Variants in ZNF19 observed in about 807,000 individuals in gnomAD.
The protein encoded by ZNF19 is zinc finger protein 19.
In ZNF19, 11 loss-of-function variants were observed where a neutral mutation model predicts 13.1. The ratio of observed to expected loss-of-function variants is 0.84; its 90% CI spans 0.53 to 1.39. The LOEUF is 1.39. Among genes scored for constraint, ZNF19 ranks in the 40% most tolerant of loss-of-function variants. The pLI, the probability that ZNF19 is intolerant of heterozygous loss-of-function variation, is 0.00. For synonymous variants in ZNF19, 186 were observed against 187.0 expected, an observed-to-expected ratio of 0.99 and a Z score of 0.04; for missense variants, 560 against 547.0, an observed-to-expected ratio of 1.02 and a Z score of -0.24.
intron 2 of ZNF19, among the ~76,000 whole-genome samples, chr16:71,484,104 G>A (rs1256804870): frequency 3.9e-5 from 6 of 152,254 alleles, no homozygotes; most frequent in Non-Finnish European, 8.8e-5. Flanking sequence ...CTTTGTGCAC[G>A]TCAAGAACTT....
intron 1 of ZNF19, among the ~76,000 whole-genome samples, chr16:71,486,532 G>C (rs201633792): frequency 1.3e-5 from 2 of 152,148 alleles, no homozygotes; most frequent in Non-Finnish European, 2.9e-5. Flanking sequence ...GTCAAGGAAA[G>C]TGGGTGGCCT....
At position 71,478,904 on chromosome 16, in the gene ZNF19, C is replaced by T; in HGVS notation, c.135G>A (p.Glu45=). The T allele has an allele frequency of 6.2e-7, 1 of 1,614,140 alleles. No homozygotes were observed. The highest frequency in any genetic ancestry group is 8.5e-7 in the Non-Finnish European group (1 of 1,179,982). The change falls in exon 4 of 6, where the codon GAG becomes GAA. Residue 45 remains glutamate, a synonymous_variant. Transcript: ENST00000288177. ...QRALYRSVML[E]NFGNLTALGY... ...CCAAAGCAGTCAGGTTCCCAAAATT[C>T]TCCAACATCACACTTCTGTACAGGG...
At chr16:71,478,062 G>C (rs2043613427) in intron 5 of ZNF19, 166 bp downstream of exon 5, 1 of 596,568 alleles carries the variant, frequency 1.7e-6, no homozygotes, top group Admixed American at 3.0e-5. Flanking sequence ...GAGACGTACT[G>C]AGTGATTACA....
intron 1 of ZNF19, among the ~76,000 whole-genome samples, chr16:71,485,825 C>T (rs141095498): frequency 2.0e-5 from 3 of 152,166 alleles, no homozygotes; most frequent in African/African-American, 4.8e-5. Flanking sequence ...CAGAGACTTG[C>T]GCAAACATCA....
intron 1 of ZNF19, among the ~76,000 whole-genome samples, chr16:71,488,146 G>A (rs2043692492): frequency 6.6e-6 from 1 of 151,942 alleles, no homozygotes; most frequent in African/African-American, 2.4e-5. Context: ...GATTGCTTGA[G>A]GCCAGGAGTT....
Position 71,475,135 on chromosome 16 carries a change from G to A in ZNF19, c.*35C>T, listed in dbSNP as rs370209904. 3.3e-5 allele frequency: 51 copies of A among 1,522,820 alleles called. No homozygotes were observed. The highest frequency in any genetic ancestry group is 3.3e-4 in the African/African-American group (24 of 72,468). The allele number at this position is 1,522,820 out of a possible 1,614,324, so 94.3% of individuals were successfully genotyped here. A position where few individuals can be genotyped will look rare whatever the true frequency, so the allele number is the denominator to read the frequency against. Reference sequence around the variant, plus strand: ...CACATTCCATTCCTGAGTAGAAGACGGAATCCACTCAGTACATTTCACTGG... The same window carrying A: ...CACATTCCATTCCTGAGTAGAAGACAGAATCCACTCAGTACATTTCACTGG... On this transcript the variant is annotated 3_prime_UTR_variant, in exon 6 of 6. Coordinates refer to ENST00000288177, the MANE Select transcript of ZNF19 (RefSeq NM_006961.4).
rs942197288 is a variant in ZNF19, at chr16:71,474,108, G to A, written c.*1062C>T. On this transcript the variant is annotated 3_prime_UTR_variant, in exon 6 of 6. Coordinates refer to ENST00000288177, the MANE Select transcript of ZNF19 (RefSeq NM_006961.4). ...ACACTGGCTGGCAGCGGAAGGACAC[G>A]TGGGAGAAAAAAAGGGTGCAGTTTG... 2.0e-5 allele frequency: 3 copies of A among 152,284 alleles called. No individual in the cohort carries two copies. Among genetic ancestry groups the A allele is most frequent in the Non-Finnish European group, 2.9e-5 (2 of 68,028 alleles). 9.4% of individuals were successfully genotyped at this position (152,284 alleles called of 1,614,324 possible). A position where few individuals can be genotyped will look rare whatever the true frequency, so the allele number is the denominator to read the frequency against.
At chr16:71,478,654 C>A (rs1458453750) in intron 4 of ZNF19, 2 of 654,238 alleles carry the variant, frequency 3.1e-6, no homozygotes, top group Admixed American at 2.7e-5. Flanking sequence ...CATACTCTTA[C>A]CAGGGGACAG....
chr16:71,478,695 C>T, intron 4 of ZNF19, 184 bp downstream of exon 4: 1 of 820,350 alleles, frequency 1.2e-6, no homozygotes, highest in Non-Finnish European at 1.9e-6. Flanking sequence ...CCAAAGTGAC[C>T]CAAGACCTCT....
In ZNF19 at chr16:71,474,844, G is replaced by C. The variant is rs766374490; in HGVS notation, c.*326C>G. 2.7e-5 allele frequency: 7 copies of C among 262,452 alleles called. No homozygotes were observed. Among genetic ancestry groups the C allele is most frequent in the Non-Finnish European group, 3.6e-5 (5 of 138,828 alleles). 16.3% of individuals were successfully genotyped at this position (262,452 alleles called of 1,614,324 possible). A position where few individuals can be genotyped will look rare whatever the true frequency, so the allele number is the denominator to read the frequency against. ...TTTAGCTTCAGGCATGGTGTATGTG[G>C]CTGTTCAAACATTATCTTCAGTCTT... On this transcript the variant is annotated 3_prime_UTR_variant, in exon 6 of 6. Coordinates refer to ENST00000288177, the MANE Select transcript of ZNF19 (RefSeq NM_006961.4).
chr16:71,484,560 A>T, intron 2 of ZNF19, 29 bp downstream of exon 2: 1 of 985,266 alleles, frequency 1.0e-6, no homozygotes, highest in Non-Finnish European at 1.2e-6. Flanking sequence ...CCTAGCAAGG[A>T]CTCCTAGGCG....
intron 2 of ZNF19, chr16:71,482,382 C>T (rs775244499): frequency 1.7e-5 from 7 of 410,298 alleles, no homozygotes; most frequent in South Asian, 5.2e-5. Context: ...TCACCAACAC[C>T]AAGCTAAATG....
chr16:71,476,313 A>T (rs2043602748), intron 5 of ZNF19, 41 bp from the exon 6 acceptor site: 2 of 1,559,870 alleles, frequency 1.3e-6, no homozygotes, highest in Admixed American at 3.8e-5. Flanking sequence ...GCCACCTGAG[A>T]ACTATACTAG....
intron 3 of ZNF19, among the ~76,000 whole-genome samples, chr16:71,480,116 C>T (rs2043628121): frequency 6.6e-6 from 1 of 152,150 alleles, no homozygotes; most frequent in East Asian, 1.9e-4. Context: ...CAACAGACAC[C>T]CTTCTCCCTC....
intron 5 of ZNF19, among the ~76,000 whole-genome samples, chr16:71,476,991 C>G (rs2043606596): frequency 6.6e-6 from 1 of 152,094 alleles, no homozygotes; most frequent in African/African-American, 2.4e-5. Context: ...TTAGACACAC[C>G]CAGACTGAGA....
chr16:71,484,103 C>A (rs1470398104), intron 2 of ZNF19, among the ~76,000 whole-genome samples: 1 of 152,232 alleles, frequency 6.6e-6, no homozygotes, highest in Admixed American at 6.5e-5. Flanking sequence ...ACTTTGTGCA[C>A]GTCAAGAACT....
intron 1 of ZNF19, among the ~76,000 whole-genome samples, chr16:71,485,175 C>T (rs149667401): frequency 1.3e-5 from 2 of 152,072 alleles, no homozygotes; most frequent in African/African-American, 4.8e-5. Context: ...GCAGGCCAGG[C>T]GCGGTGGCTC....
chr16:71,483,269 ATTG>A (rs979634046), intron 2 of ZNF19, among the ~76,000 whole-genome samples: 4 of 152,232 alleles, frequency 2.6e-5, no homozygotes, highest in African/African-American at 9.6e-5. Context: ...CATCTGGGTT[ATTG>A]TTTTAACTAT....
At chr16:71,486,053 T>C (rs1426282352) in intron 1 of ZNF19, among the ~76,000 whole-genome samples, 2 of 151,906 alleles carry the variant, frequency 1.3e-5, no homozygotes, top group African/African-American at 4.8e-5. Context: ...AACTTTAAGA[T>C]TATCTTGGGG....
Sources: allele counts gnomAD v4.1 joint callset (sites outside exome capture counted in the v4.1 genomes callset), GRCh38; gene constraint gnomAD v4.1.1; transcripts MANE v1.5; gene names NCBI Gene and HGNC (gene_info 2026-07-23, HGNC 2026-07-21).